Variants in MSRA observed in about 807,000 individuals in gnomAD.
MSRA encodes the protein methionine sulfoxide reductase A.
In MSRA, 54 loss-of-function variants were observed where a neutral mutation model predicts 31.3. That is an observed-to-expected ratio of 1.73 (90% CI 1.39 to 2.17). MSRA has a LOEUF of 2.17. Ranked by LOEUF, MSRA falls within the 30% of genes most tolerant of loss-of-function variation. The pLI is 0.00. For synonymous variants in MSRA, 169 were observed against 116.5 expected, an observed-to-expected ratio of 1.45 and a Z score of -2.90; for missense variants, 507 against 300.9, an observed-to-expected ratio of 1.69 and a Z score of -5.07.
intron 4 of MSRA, among the ~76,000 whole-genome samples, chr8:10,316,527 C>CCCTCT (rs1171484461): frequency 8.9e-5 from 10 of 112,632 alleles, no homozygotes; most frequent in African/African-American, 3.1e-4. Context: ...TTTGATGATC[C>CCCTCT]CTCTCTCTCT....
chr8:10,428,453 T>C lies in MSRA; in HGVS notation c.*141T>C, dbSNP rs1353545210. 4 of 918,028 alleles carry C rather than the reference T, an allele frequency of 4.4e-6. No individual in the cohort carries two copies. Among genetic ancestry groups the C allele is most frequent in the Non-Finnish European group, 6.6e-6 (4 of 610,360 alleles). 56.9% of individuals were successfully genotyped at this position (918,028 alleles called of 1,614,324 possible). On this transcript the variant is annotated 3_prime_UTR_variant, in exon 6 of 6. Transcript: ENST00000317173. ...TATACAGATTGGGTTTACCGAAGTA[T>C]AATCTATAGGAGGCGCGATGGCAAG...
At chr8:10,302,935 G>T (rs901870307) in intron 4 of MSRA, among the ~76,000 whole-genome samples, 4 of 152,220 alleles carry the variant, frequency 2.6e-5, no homozygotes, top group Non-Finnish European at 5.9e-5. Context: ...ACTTCATGTG[G>T]GAAGGCAGGT....
At chr8:10,133,646 G>T (rs1319311389) in intron 1 of MSRA, among the ~76,000 whole-genome samples, 2 of 152,154 alleles carry the variant, frequency 1.3e-5, no homozygotes, top group Non-Finnish European at 2.9e-5. Flanking sequence ...ACATCACAGG[G>T]TTATTGTTAG....
At chr8:10,206,820 C>CT (rs1424311912) in intron 1 of MSRA, among the ~76,000 whole-genome samples, 1 of 152,230 alleles carries the variant, frequency 6.6e-6, no homozygotes, top group African/African-American at 2.4e-5. Flanking sequence ...TATATGCCTT[C>CT]TTTAATGTTT....
At chr8:10,300,124 T>TTGTGTG (rs10682921) in intron 3 of MSRA, among the ~76,000 whole-genome samples, 4,098 of 149,624 alleles carry the variant, frequency 0.027, 173 homozygotes, top group African/African-American at 0.087. Flanking sequence ...TGGAAGAAAT[T>TTGTGTG]TGTGTGTGTG....
At chr8:10,339,652 C>T (rs1431034741) in intron 5 of MSRA, among the ~76,000 whole-genome samples, 13 of 149,992 alleles carry the variant, frequency 8.7e-5, no homozygotes. Flanking sequence ...CGCCATTCTC[C>T]TGCCTCAGCC....
At position 10,428,193 on chromosome 8, in the gene MSRA, G is replaced by T. The variant is rs374677955; in HGVS notation, c.589G>T (p.Glu197Ter). Residue 197 changes from glutamate to a stop codon, truncating the protein, a stop_gained, in exon 6 of 6, where the codon GAG becomes TAG. Coordinates refer to ENST00000317173, the MANE Select transcript of MSRA (RefSeq NM_012331.5). LOFTEE classifies it high-confidence loss of function. ...GFGPITTDIR[E>*]GQTFYYAEDY... is the part of the protein sequence containing the mutation. The stretch of plus-strand genomic sequence containing the variant: ...CGGCCCCATCACTACCGACATCCGG[G>T]AGGGACAGACTTTCTACTATGCGGA... The T allele has an allele frequency of 6.2e-7, 1 of 1,614,154 alleles. No homozygotes were observed. The highest frequency in any genetic ancestry group is 8.5e-7 in the Non-Finnish European group (1 of 1,180,024).
intron 5 of MSRA, among the ~76,000 whole-genome samples, chr8:10,321,439 G>A (rs2129138694): frequency 6.6e-6 from 1 of 152,202 alleles, no homozygotes; most frequent in Middle Eastern, 3.4e-3. Context: ...AGAGGCCTGA[G>A]GGAGGCGCTG....
intron 1 of MSRA, among the ~76,000 whole-genome samples, chr8:10,125,410 A>C (rs989845328): frequency 1.3e-5 from 2 of 152,200 alleles, no homozygotes; most frequent in Non-Finnish European, 2.9e-5. Context: ...GGAGTTAGCT[A>C]TGGAGAAGAA....
At chr8:10,128,949 C>T (rs757118383) in intron 1 of MSRA, among the ~76,000 whole-genome samples, 1 of 152,188 alleles carries the variant, frequency 6.6e-6, no homozygotes, top group Non-Finnish European at 1.5e-5. Context: ...CTTGTACATG[C>T]CTTTACTGTC....
At chr8:10,113,842 A>G (rs995660893) in intron 1 of MSRA, among the ~76,000 whole-genome samples, 3 of 152,100 alleles carry the variant, frequency 2.0e-5, no homozygotes, top group Non-Finnish European at 4.4e-5. Flanking sequence ...TCCATTTTAT[A>G]ATTATACAAT....
At chr8:10,245,853 T>G (rs1470722814) in intron 3 of MSRA, among the ~76,000 whole-genome samples, 6 of 152,214 alleles carry the variant, frequency 3.9e-5, no homozygotes, top group African/African-American at 1.2e-4. Context: ...CCAGAGCCAA[T>G]ATGGGATGGC....
rs926968693 is a variant in MSRA at position 10,157,993 on chromosome 8, C to G, written c.143-49840C>G. 3.3e-5 allele frequency among the ~76,000 whole-genome samples: 5 copies of G among 152,276 alleles called. 1 individual carries two copies. The South Asian group carries it at 1.0e-3, about 32-fold the overall frequency. Reference sequence around the variant, plus strand: ...TTATATGCAACAGAGATAAATTTCTCACAGTTCTGGAGGTGGAAAGTCCAA... The same window carrying G: ...TTATATGCAACAGAGATAAATTTCTGACAGTTCTGGAGGTGGAAAGTCCAA... On this transcript the variant is annotated intron_variant, in intron 1 of 5. Transcript: ENST00000317173.
At chr8:10,406,240 C>G (rs1281180280) in intron 5 of MSRA, among the ~76,000 whole-genome samples, 1 of 152,248 alleles carries the variant, frequency 6.6e-6, no homozygotes, top group African/African-American at 2.4e-5. Flanking sequence ...AGGGAGGTCC[C>G]TTGCAGTCAC....
At chr8:10,054,784 G>C (rs1043480006) in intron 1 of MSRA, 126 bp downstream of exon 1, 24 of 1,124,764 alleles carry the variant, frequency 2.1e-5, no homozygotes, top group Admixed American at 4.4e-5. Flanking sequence ...CGGGGTGGGG[G>C]TCTGCGCAGG....
rs535800058 is a variant in MSRA at position 10,115,111 on chromosome 8, C to T, written c.142+60453C>T. 3.3e-5 allele frequency among the ~76,000 whole-genome samples: 5 copies of T among 152,266 alleles called. No homozygotes were observed. In the South Asian group the frequency reaches 6.2e-4, roughly 19 times the overall value. On this transcript the variant is annotated intron_variant, in intron 1 of 5. Coordinates refer to ENST00000317173, the MANE Select transcript of MSRA (RefSeq NM_012331.5). ...ATGTATTATAGAGATGACATTGCCTCGTCAGAAGTGAAAGGATAATTTCAT... is the reference window on the plus strand; with the variant it reads ...ATGTATTATAGAGATGACATTGCCTTGTCAGAAGTGAAAGGATAATTTCAT...
chr8:10,169,273 A>C (rs973673073), intron 1 of MSRA, among the ~76,000 whole-genome samples: 5 of 152,206 alleles, frequency 3.3e-5, no homozygotes, highest in African/African-American at 1.2e-4. Context: ...CATTGTTACC[A>C]ACCTGCATTT....
At chr8:10,260,717 G>T (rs759366750) in intron 3 of MSRA, among the ~76,000 whole-genome samples, 5 of 152,038 alleles carry the variant, frequency 3.3e-5, no homozygotes, top group Non-Finnish European at 7.4e-5. Flanking sequence ...AAAAGCAAAC[G>T]AGATTAATAA....
At chr8:10,349,902 C>T (rs557207158) in intron 5 of MSRA, among the ~76,000 whole-genome samples, 5 of 152,356 alleles carry the variant, frequency 3.3e-5, no homozygotes, top group African/African-American at 1.2e-4. Flanking sequence ...GGGCCTTCCC[C>T]TGTCACCCCC....
Sources: gnomAD v4.1 joint callset for allele counts (sites outside exome capture counted in the v4.1 genomes callset) on GRCh38, gnomAD v4.1.1 for gene constraint, MANE v1.5 for transcripts, NCBI Gene and HGNC (gene_info 2026-07-23, HGNC 2026-07-21) for gene names.